The following LCA5L variants were observed in gnomAD, a reference collection of about 807,000 sequenced individuals.
LCA5L encodes the protein lebercilin LCA5 like, also known as lebercilin-like protein.
In LCA5L, 35 loss-of-function variants were observed where a neutral mutation model predicts 45.4. The observed-to-expected ratio is 0.77, with a 90% CI of 0.59 to 1.02. The LOEUF (loss-of-function observed/expected upper bound fraction) is 1.02. LCA5L is among the 50% of genes least tolerant of loss of function. The pLI, the probability that LCA5L is intolerant of heterozygous loss-of-function variation, is 0.00. For missense variants in LCA5L, 668 were observed against 761.6 expected, an observed-to-expected ratio of 0.88 and a Z score of 1.45; for synonymous variants, 233 against 264.7, an observed-to-expected ratio of 0.88 and a Z score of 1.16.
At chr21:39,413,187 TAG>T (rs1375337761) in intron 7 of LCA5L, among the ~76,000 whole-genome samples, 2 of 152,204 alleles carry the variant, frequency 1.3e-5, no homozygotes, top group African/African-American at 4.8e-5. Context: ...GAACCAGCTC[TAG>T]AGAGGGGCCA....
intron 10 of LCA5L, chr21:39,406,828 A>G (rs2039144148): frequency 4.3e-6 from 2 of 461,660 alleles, no homozygotes; most frequent in Non-Finnish European, 3.8e-6. Flanking sequence ...AGCAGATGGG[A>G]ATTATGAAAC....
chr21:39,409,155 C>T lies in LCA5L; in HGVS notation c.1282+824G>A, dbSNP rs1435559737. Among the ~76,000 whole-genome samples the T allele has an allele frequency of 6.6e-6, 1 of 152,104 alleles. No individual in the cohort carries two copies. Among genetic ancestry groups the T allele is most frequent in the Non-Finnish European group, 1.5e-5 (1 of 68,024 alleles). On this transcript the variant is annotated intron_variant, in intron 10 of 10. Transcript: ENST00000288350. This position sits in a 1 kb window ranked among gnomAD's most constrained non-coding sequence, Gnocchi z 4.2. ...CCTTATAAAAAGAAACACTGGAGCA[C>T]TGGTGCTCTCTCCCCGACTCTCCTC...
intron 6 of LCA5L, chr21:39,421,860 G>C (rs2073822570): frequency 6.6e-6 from 1 of 152,036 alleles, no homozygotes; most frequent in South Asian, 2.1e-4. Flanking sequence ...TCTCATACTT[G>C]GTAAGTGCTT....
Position 39,409,108 on chromosome 21 carries a change from GC to G in LCA5L, c.1282+870del, listed in dbSNP as rs2039618447. On this transcript the variant is annotated intron_variant, in intron 10 of 10. Transcript: ENST00000288350. This position sits in a 1 kb window ranked among gnomAD's most constrained non-coding sequence, Gnocchi z 4.2. ...GGTTAAATGAGATCACAAGGTTGGG[GC>G]CTTCATGACGGAATTAGTGTCCTTA... Among the ~76,000 whole-genome samples, 1 of 152,124 alleles carries G rather than the reference GC, an allele frequency of 6.6e-6. No individual in the cohort carries two copies. Among genetic ancestry groups the G allele is most frequent in the South Asian group, 2.1e-4 (1 of 4,828 alleles).
chr21:39,445,745 G>A lies in LCA5L; in HGVS notation c.-333C>T, dbSNP rs1217009444. 6.6e-6 allele frequency: 1 copy of A among 152,220 alleles called. No individual in the cohort carries two copies. Among genetic ancestry groups the A allele is most frequent in the Admixed American group, 6.5e-5 (1 of 15,286 alleles). The allele number at this position is 152,220 out of a possible 1,614,324, so 9.4% of individuals were successfully genotyped here. ...GTTACCTGCTCCGCGCTGTTCCCAC[G>A]ACTGCGCCAACGCCGCAGCGCCGGC... is the stretch of plus-strand genomic sequence containing the variant. On this transcript the variant is annotated 5_prime_UTR_variant, in exon 1 of 11. Transcript: ENST00000288350.
At chr21:39,424,156 G>A (rs773243716) in intron 5 of LCA5L, among the ~76,000 whole-genome samples, 7 of 152,136 alleles carry the variant, frequency 4.6e-5, no homozygotes, top group Non-Finnish European at 7.4e-5. Context: ...GGGATTACAC[G>A]TGTCTGCCAC....
intron 7 of LCA5L, among the ~76,000 whole-genome samples, chr21:39,419,771 G>A (rs2041970856): frequency 6.6e-6 from 1 of 152,026 alleles, no homozygotes; most frequent in South Asian, 2.1e-4. Context: ...AAAGAATCAA[G>A]CTTAAGATTT....
intron 2 of LCA5L, chr21:39,439,049 T>C (rs2076554619): frequency 6.6e-6 from 1 of 152,148 alleles, no homozygotes; most frequent in Admixed American, 6.5e-5. Flanking sequence ...GGTCTTGAGG[T>C]GGGAAGATTA....
chr21:39,417,332 A>G (rs1330707209), intron 7 of LCA5L, among the ~76,000 whole-genome samples: 2 of 152,022 alleles, frequency 1.3e-5, no homozygotes, highest in African/African-American at 2.4e-5. Flanking sequence ...GAGCCACTGT[A>G]CCCAGCTGCT....
intron 2 of LCA5L, among the ~76,000 whole-genome samples, chr21:39,442,330 G>A (rs1165996466): frequency 6.6e-6 from 1 of 152,202 alleles, no homozygotes; most frequent in African/African-American, 2.4e-5. Context: ...AGGCGGGGGT[G>A]AACAGCTGCA....
At chr21:39,417,760 TTTTTTAA>T (rs1286780003) in intron 7 of LCA5L, among the ~76,000 whole-genome samples, 1 of 151,972 alleles carries the variant, frequency 6.6e-6, no homozygotes, top group Admixed American at 6.5e-5. Context: ...ATTTATTTAA[TTTTTTAA>T]TTTTTAATTT....
At chr21:39,428,526 T>G in intron 4 of LCA5L, 23 bp from the exon 5 acceptor site, 4 of 1,270,150 alleles carry the variant, frequency 3.1e-6, no homozygotes, top group Non-Finnish European at 2.1e-6. Flanking sequence ...AAGTAAAACC[T>G]AATAAAAGTA....
At chr21:39,431,762 C>T (rs982863812) in intron 3 of LCA5L, among the ~76,000 whole-genome samples, 2 of 152,222 alleles carry the variant, frequency 1.3e-5, no homozygotes, top group African/African-American at 2.4e-5. Context: ...GTGATCTGCC[C>T]GCCTCGGGCT....
At chr21:39,415,527 T>G (rs2040978986) in intron 7 of LCA5L, among the ~76,000 whole-genome samples, 1 of 152,186 alleles carries the variant, frequency 6.6e-6, no homozygotes, top group African/African-American at 2.4e-5. Context: ...ATAACTTATT[T>G]CAGTATCTGT....
Position 39,405,844 on chromosome 21 carries a change from T to G in LCA5L, c.*38A>C. 7.0e-7 allele frequency: 1 copy of G among 1,427,942 alleles called. No individual in the cohort carries two copies. Among genetic ancestry groups the G allele is most frequent in the Non-Finnish European group, 9.4e-7 (1 of 1,061,166 alleles). The allele number at this position is 1,427,942 out of a possible 1,614,324, so 88.5% of individuals were successfully genotyped here. On this transcript the variant is annotated 3_prime_UTR_variant, in exon 11 of 11. Transcript: ENST00000288350. The stretch of plus-strand genomic sequence containing the variant: ...TAAGATGCAAGGCACATAAGCAGCA[T>G]TATATCAAACCAGAATGCATTAGGA...
intron 5 of LCA5L, among the ~76,000 whole-genome samples, chr21:39,424,693 ATCTG>A (rs2074347711): frequency 6.6e-6 from 1 of 152,272 alleles, no homozygotes; most frequent in African/African-American, 2.4e-5. Context: ...ATAAGAGTCT[ATCTG>A]TTTATACAGA....
Position 39,406,154 on chromosome 21 carries a change from A to G in LCA5L, c.1741T>C (p.Ser581Pro), listed in dbSNP as rs763575970. The change falls in exon 11 of 11, where the codon TCT becomes CCT. Residue 581 changes from serine (S) to proline (P), a missense_variant. Coordinates refer to ENST00000288350, the MANE Select transcript of LCA5L (RefSeq NM_152505.4). Reference sequence around the variant, plus strand: ...GTATCCTTCACTTTTATTCTGGAAGACTTACCAAATGAGGGCTCATACCCA... The same window carrying G: ...GTATCCTTCACTTTTATTCTGGAAGGCTTACCAAATGAGGGCTCATACCCA... ...DSGYEPSFGK[S>P]SRIKVKDTTF... 12 of 1,614,224 alleles carry G rather than the reference A, an allele frequency of 7.4e-6. No homozygotes were observed. The East Asian group carries it at 8.9e-5, about 12-fold the overall frequency.
chr21:39,415,372 T>C (rs757889005), intron 7 of LCA5L, among the ~76,000 whole-genome samples: 2 of 152,100 alleles, frequency 1.3e-5, no homozygotes, highest in Non-Finnish European at 2.9e-5. Context: ...CAAATTAAAA[T>C]ATATAAAAAA....
intron 10 of LCA5L, 102 bp from the exon 11 acceptor site, chr21:39,406,714 A>G (rs1601671942): frequency 1.2e-6 from 1 of 853,864 alleles, no homozygotes; most frequent in East Asian, 2.5e-5. Context: ...TCACAAGCAC[A>G]CTGAAATGAC....
Sources: gnomAD v4.1 joint callset for allele counts (sites outside exome capture counted in the v4.1 genomes callset) on GRCh38, gnomAD v4.1.1 for gene constraint, Gnocchi (gnomAD v3.1) non-coding constraint, MANE v1.5 for transcripts, NCBI Gene and HGNC (gene_info 2026-07-23, HGNC 2026-07-21) for gene names.